The following RNASE10 variants were observed in gnomAD, a reference collection of about 807,000 sequenced individuals.
The protein encoded by RNASE10 is ribonuclease A family member 10 (inactive), also known as inactive ribonuclease-like protein 10.
In RNASE10, 2 loss-of-function variants were observed where a neutral mutation model predicts 1.1. That is an observed-to-expected ratio of 1.82 (90% CI 0.74 to 5.73). RNASE10 has a LOEUF of 5.73. Among genes scored for constraint, RNASE10 ranks in the 30% most tolerant of loss-of-function variants. The probability of loss-of-function intolerance (pLI) is 0.05; values close to 1 mark genes in which losing one functional copy is unlikely to be tolerated. For missense variants in RNASE10, 276 were observed against 263.4 expected, an observed-to-expected ratio of 1.05 and a Z score of -0.33; for synonymous variants, 97 against 96.2, an observed-to-expected ratio of 1.01 and a Z score of -0.05.
At chr14:20,506,991 T>TGG (rs1882754100) in intron 1 of RNASE10, among the ~76,000 whole-genome samples, 1 of 38,616 alleles carries the variant, frequency 2.6e-5, no homozygotes, top group Non-Finnish European at 5.3e-5. Flanking sequence ...AGGGAGGTGG[T>TGG]GGGGGTCAGC....
intron 1 of RNASE10, among the ~76,000 whole-genome samples, chr14:20,508,172 T>C (rs1298714313): frequency 6.6e-6 from 1 of 152,200 alleles, no homozygotes; most frequent in Non-Finnish European, 1.5e-5. Context: ...TTTTCCTGCT[T>C]AATATTTCAG....
At chr14:20,508,976 AT>A (rs879789023) in intron 1 of RNASE10, among the ~76,000 whole-genome samples, 97 of 146,972 alleles carry the variant, frequency 6.6e-4, no homozygotes, top group Middle Eastern at 3.6e-3. Context: ...CTTCATAGCA[AT>A]TTTTTTTTTT....
chr14:20,510,617 C>T (rs1217072221), exon 2 of RNASE10: 1 of 1,614,036 alleles, frequency 6.2e-7, no homozygotes, highest in Admixed American at 1.7e-5. Context: ...TCCAGTGACT[C>T]ACAGGACAAA....
intron 1 of RNASE10, among the ~76,000 whole-genome samples, chr14:20,507,150 T>C (rs1882763318): frequency 6.8e-6 from 1 of 146,164 alleles, no homozygotes; most frequent in African/African-American, 2.6e-5. Flanking sequence ...ATGATGACAA[T>C]GGCGGTTTTG....
chr14:20,504,674 A>C (rs373451121), upstream of RNASE10, among the ~76,000 whole-genome samples: 2 of 114,686 alleles, frequency 1.7e-5, no homozygotes, highest in African/African-American at 3.6e-5. Context: ...GGCGACAGAG[A>C]GAGACTCCGT....
chr14:20,506,367 C>T (rs1882717865), intron 1 of RNASE10, among the ~76,000 whole-genome samples: 3 of 124,654 alleles, frequency 2.4e-5, no homozygotes, highest in Admixed American at 1.5e-4. Context: ...TGAGGGGCGC[C>T]TCTGCCCGGC....
chr14:20,506,577 G>C (rs1882727504), intron 1 of RNASE10, among the ~76,000 whole-genome samples: 1 of 105,414 alleles, frequency 9.5e-6, no homozygotes, highest in Non-Finnish European at 1.9e-5. Context: ...GAAGTGAGGA[G>C]CCCCTCTGCC....
At chr14:20,512,377 A>G (rs1882919339), downstream of RNASE10, among the ~76,000 whole-genome samples, 1 of 152,178 alleles carries the variant, frequency 6.6e-6, no homozygotes, top group Non-Finnish European at 1.5e-5. Flanking sequence ...GCATAGGGAG[A>G]AGAGGAATCT....
At chr14:20,513,253 G>A (rs143616163), downstream of RNASE10, among the ~76,000 whole-genome samples, 3 of 151,902 alleles carry the variant, frequency 2.0e-5, no homozygotes, top group East Asian at 1.9e-4. Flanking sequence ...ATCTGACCAC[G>A]TAGACTATCG....
chr14:20,510,597 T>C, exon 2 of RNASE10: 1 of 1,614,110 alleles, frequency 6.2e-7, no homozygotes, highest in Non-Finnish European at 8.5e-7. Context: ...AACCGCTCAA[T>C]GAATTTTGGT....
chr14:20,506,933 G>A (rs1882749148), intron 1 of RNASE10, among the ~76,000 whole-genome samples: 1 of 140,998 alleles, frequency 7.1e-6, no homozygotes, highest in African/African-American at 2.8e-5. Flanking sequence ...CCGTCCGGGA[G>A]GGGGGAGGGG....
chr14:20,513,587 A>G (rs1016641428), downstream of RNASE10, among the ~76,000 whole-genome samples: 6 of 152,184 alleles, frequency 3.9e-5, no homozygotes, highest in African/African-American at 1.4e-4. Context: ...ACTCATTTAG[A>G]TATGACACCT....
chr14:20,510,760 C>G, exon 2 of RNASE10: 2 of 1,614,212 alleles, frequency 1.2e-6, no homozygotes, highest in Non-Finnish European at 1.7e-6. Context: ...TAACAAGATG[C>G]TCAGAGCCTC....
rs1469088616 is a variant in RNASE10 at position 20,506,960 on chromosome 14, C to A, written c.79+941C>A. On this transcript the variant is annotated intron_variant, in intron 1 of 1. Coordinates refer to ENST00000430083, the Ensembl canonical transcript of RNASE10. Reference sequence around the variant, plus strand: ...GGGGAGGGGGGGTCAGCCCCCCGCCCGGCCAGCCGCCCCGTCCGGGAGGGA... The same window carrying A: ...GGGGAGGGGGGGTCAGCCCCCCGCCAGGCCAGCCGCCCCGTCCGGGAGGGA... 2.2e-5 allele frequency among the ~76,000 whole-genome samples: 3 copies of A among 135,488 alleles called. No individual in the cohort carries two copies. The South Asian group carries it at 7.1e-4, about 32-fold the overall frequency. The allele number at this position is 135,488 out of a possible 152,430, so 88.9% of individuals were successfully genotyped here.
chr14:20,505,262 C>T (rs1487906142), upstream of RNASE10, among the ~76,000 whole-genome samples: 2 of 8,738 alleles, frequency 2.3e-4, no homozygotes, highest in South Asian at 3.1e-3. Flanking sequence ...AGTGAGTTTG[C>T]TCCCTCTCCC....
At chr14:20,509,000 T>C (rs538678156) in intron 1 of RNASE10, among the ~76,000 whole-genome samples, 1 of 152,136 alleles carries the variant, frequency 6.6e-6, no homozygotes, top group Admixed American at 6.5e-5. Flanking sequence ...TGGCAGGGAA[T>C]GTGTCTCTTT....
chr14:20,506,506 C>A (rs1335548882), intron 1 of RNASE10, among the ~76,000 whole-genome samples: 1 of 129,010 alleles, frequency 7.8e-6, no homozygotes, highest in South Asian at 2.6e-4. Context: ...GTCAGCCCCC[C>A]GCCCGGCCAG....
chr14:20,509,607 T>G (rs1882842956), intron 1 of RNASE10, among the ~76,000 whole-genome samples: 1 of 152,236 alleles, frequency 6.6e-6, no homozygotes, highest in Non-Finnish European at 1.5e-5. Flanking sequence ...TTTCTATTCC[T>G]TTTTATCTTT....
At chr14:20,504,494 T>C (rs1882638274), upstream of RNASE10, among the ~76,000 whole-genome samples, 2 of 151,836 alleles carry the variant, frequency 1.3e-5, no homozygotes. Context: ...GAGACCATTC[T>C]GGCTAACACG....
Sources: gnomAD v4.1 joint callset for allele counts (sites outside exome capture counted in the v4.1 genomes callset) on GRCh38, gnomAD v4.1.1 for gene constraint, MANE v1.5 for transcripts, NCBI Gene and HGNC (gene_info 2026-07-23, HGNC 2026-07-21) for gene names.